The following KCNQ5 variants were observed in gnomAD, a reference collection of about 807,000 sequenced individuals.
KCNQ5 encodes the protein potassium voltage-gated channel subfamily Q member 5.
KCNQ5 carries 30 observed loss-of-function variants against 98.2 expected under a neutral mutation model. That is an observed-to-expected ratio of 0.31 (90% CI 0.23 to 0.41). KCNQ5 has a LOEUF of 0.41. Ranked by LOEUF, KCNQ5 falls within the 10% of genes least tolerant of loss-of-function variation. The probability of loss-of-function intolerance (pLI) is 1.00; values close to 1 mark genes in which losing one functional copy is unlikely to be tolerated. For missense variants in KCNQ5, 835 were observed against 1,182.5 expected, an observed-to-expected ratio of 0.71 and a Z score of 4.31; for synonymous variants, 458 against 449.4, an observed-to-expected ratio of 1.02 and a Z score of -0.24.
At chr6:72,805,726 A>G (rs1421168925) in intron 1 of KCNQ5, among the ~76,000 whole-genome samples, 2 of 152,130 alleles carry the variant, frequency 1.3e-5, no homozygotes, top group African/African-American at 4.8e-5. Context: ...GTATTTTGAT[A>G]GGGATTGCAC....
chr6:73,054,179 G>A (rs2150368359), intron 3 of KCNQ5, among the ~76,000 whole-genome samples: 1 of 152,188 alleles, frequency 6.6e-6, no homozygotes, highest in Middle Eastern at 3.4e-3. Flanking sequence ...CCAATAATGA[G>A]TTCCAAAATT....
At chr6:72,918,912 C>T (rs1056335853) in intron 1 of KCNQ5, among the ~76,000 whole-genome samples, 7 of 152,188 alleles carry the variant, frequency 4.6e-5, no homozygotes, top group African/African-American at 1.7e-4. Flanking sequence ...GAGAAAATTT[C>T]AGGAGCTGAA....
At chr6:72,954,968 C>T (rs1388544176) in intron 1 of KCNQ5, among the ~76,000 whole-genome samples, 3 of 152,148 alleles carry the variant, frequency 2.0e-5, no homozygotes, top group Non-Finnish European at 4.4e-5. Flanking sequence ...ATCCTGTTAA[C>T]TTGAGATTTG....
intron 1 of KCNQ5, among the ~76,000 whole-genome samples, chr6:72,748,695 C>T (rs562960084): frequency 6.6e-6 from 1 of 152,132 alleles, no homozygotes; most frequent in South Asian, 2.1e-4. Context: ...GGCAGTTGTT[C>T]CTAAAGAGAA....
At chr6:72,856,469 T>TACAC (rs767112412) in intron 1 of KCNQ5, among the ~76,000 whole-genome samples, 1,731 of 58,910 alleles carry the variant, frequency 0.029, 23 homozygotes, top group African/African-American at 0.045. Flanking sequence ...CACACACATA[T>TACAC]ATACACACAC....
chr6:72,971,894 G>C (rs1459914011), intron 1 of KCNQ5, among the ~76,000 whole-genome samples: 2 of 152,102 alleles, frequency 1.3e-5, no homozygotes, highest in Non-Finnish European at 2.9e-5. Flanking sequence ...TGTAAATGAC[G>C]AGTTAATGAG....
chr6:72,670,041 A>G (rs1234032229), intron 1 of KCNQ5, among the ~76,000 whole-genome samples: 1 of 151,994 alleles, frequency 6.6e-6, no homozygotes, highest in Non-Finnish European at 1.5e-5. Context: ...AGCAGTGAGA[A>G]CCAAAGCTAC....
At position 72,622,670 on chromosome 6, in the gene KCNQ5, T is replaced by A; in HGVS notation, c.398+83T>A. ...TGGGGCGTGCTCCGCGCTCGCGCCC[T>A]TGGGCCCCCGCGCGCGTGCACACGT... On this transcript the variant is annotated intron_variant, in intron 1 of 13. Coordinates refer to ENST00000370398, the MANE Select transcript of KCNQ5 (RefSeq NM_019842.4). The surrounding 1 kb of genome is among the most constrained non-coding windows in gnomAD (Gnocchi z 6.0). 6.7e-7 allele frequency: 1 copy of A among 1,500,866 alleles called. No individual in the cohort carries two copies. Among genetic ancestry groups the A allele is most frequent in the Non-Finnish European group, 9.1e-7 (1 of 1,104,090 alleles). 93.0% of individuals were successfully genotyped at this position (1,500,866 alleles called of 1,614,324 possible). A position where few individuals can be genotyped will look rare whatever the true frequency, so the allele number is the denominator to read the frequency against.
intron 1 of KCNQ5, among the ~76,000 whole-genome samples, chr6:72,651,922 A>G (rs573315593): frequency 2.6e-4 from 39 of 152,076 alleles, no homozygotes; most frequent in Non-Finnish European, 5.1e-4. Context: ...CTCAAAAAGA[A>G]TCTTTATAAT....
At chr6:73,128,519 G>A (rs1439159825) in intron 9 of KCNQ5, among the ~76,000 whole-genome samples, 1 of 152,168 alleles carries the variant, frequency 6.6e-6, no homozygotes, top group Admixed American at 6.5e-5. Context: ...TCCTTGACCA[G>A]ATTATCAAAT....
chr6:72,853,323 C>A (rs918274460), intron 1 of KCNQ5, among the ~76,000 whole-genome samples: 1 of 152,114 alleles, frequency 6.6e-6, no homozygotes. Context: ...GGATCCTAGA[C>A]AATACTGAAC....
chr6:72,640,273 C>A (rs1430916956), intron 1 of KCNQ5, among the ~76,000 whole-genome samples: 5 of 151,696 alleles, frequency 3.3e-5, no homozygotes, highest in Admixed American at 6.6e-5. Context: ...CAAGCACCAA[C>A]CATCTGATAA....
intron 7 of KCNQ5, 126 bp downstream of exon 7, chr6:73,111,529 C>T: frequency 1.4e-6 from 1 of 693,756 alleles, no homozygotes; most frequent in Non-Finnish European, 2.5e-6. Flanking sequence ...AAAATGAAGT[C>T]AGAACTTAAT....
intron 1 of KCNQ5, among the ~76,000 whole-genome samples, chr6:72,718,598 G>A (rs1241246574): frequency 6.6e-6 from 1 of 151,538 alleles, no homozygotes; most frequent in African/African-American, 2.4e-5. Flanking sequence ...CTACAGGTAC[G>A]TGCCACCATG....
chr6:72,902,083 A>G (rs1325225337), intron 1 of KCNQ5, among the ~76,000 whole-genome samples: 1 of 151,454 alleles, frequency 6.6e-6, no homozygotes, highest in African/African-American at 2.4e-5. Flanking sequence ...AGGTATATTC[A>G]TAACTATGTT....
Position 73,169,368 on chromosome 6 carries a change from G to A in KCNQ5, c.1469-378G>A, listed in dbSNP as rs77720272. ...ATATGAGCTTGATATATACAGGCCAGTTAGTTACAAGTCCAAAAACTATTT... is the reference window on the plus strand; with the variant it reads ...ATATGAGCTTGATATATACAGGCCAATTAGTTACAAGTCCAAAAACTATTT... On this transcript the variant is annotated intron_variant, in intron 10 of 13. Coordinates refer to ENST00000370398, the MANE Select transcript of KCNQ5 (RefSeq NM_019842.4). Among the ~76,000 whole-genome samples the A allele has an allele frequency of 4.7e-3, 715 of 152,308 alleles. 8 individuals carry two copies. The highest frequency in any genetic ancestry group is 0.016 in the African/African-American group (646 of 41,564).
In KCNQ5 at chr6:73,117,167, C is replaced by G. The variant is rs539792628; in HGVS notation, c.1126-3316C>G. ...AGTGTTATTTTTCTCTTGCCAACTA[C>G]TGTGTGATTTTGGCTTTAAATATAG... On this transcript the variant is annotated intron_variant, in intron 7 of 13. Coordinates refer to ENST00000370398, the MANE Select transcript of KCNQ5 (RefSeq NM_019842.4). Among the ~76,000 whole-genome samples the G allele has an allele frequency of 2.6e-5, 4 of 152,328 alleles. No individual in the cohort carries two copies. The East Asian group carries it at 7.7e-4, about 29-fold the overall frequency.
At chr6:72,716,548 G>C (rs1009219864) in intron 1 of KCNQ5, among the ~76,000 whole-genome samples, 3 of 152,194 alleles carry the variant, frequency 2.0e-5, no homozygotes, top group African/African-American at 7.2e-5. Flanking sequence ...TTCAGGAGAA[G>C]CTTTACTTTT....
intron 5 of KCNQ5, among the ~76,000 whole-genome samples, chr6:73,087,170 AAAAGCAGAG>A (rs1327758144): frequency 1.3e-5 from 2 of 152,246 alleles, no homozygotes; most frequent in Non-Finnish European, 2.9e-5. Flanking sequence ...AAGCAAAAGC[AAAAGCAGAG>A]AGAGCAATTA....
Sources: allele counts gnomAD v4.1 joint callset (sites outside exome capture counted in the v4.1 genomes callset), GRCh38; gene constraint gnomAD v4.1.1; non-coding constraint Gnocchi (gnomAD v3.1); transcripts MANE v1.5; gene names NCBI Gene and HGNC (gene_info 2026-07-23, HGNC 2026-07-21).